Variants in PKD1L1 observed in about 807,000 individuals in gnomAD.
PKD1L1 encodes the protein polycystin-1-like protein 1.
A neutral mutation model predicts 323.4 loss-of-function variants in PKD1L1; 236 were observed. That is an observed-to-expected ratio of 0.73 (90% CI 0.66 to 0.81). PKD1L1 has a LOEUF of 0.81. Among genes scored for constraint, PKD1L1 ranks in the 40% least tolerant of loss-of-function variants. The pLI is 0.00. For synonymous variants in PKD1L1, 1,344 were observed against 1,335.0 expected, an observed-to-expected ratio of 1.01 and a Z score of -0.15; for missense variants, 3,320 against 3,508.0, an observed-to-expected ratio of 0.95 and a Z score of 1.35.
At position 47,815,376 on chromosome 7, in the gene PKD1L1, C is replaced by G; in HGVS notation, c.7047G>C (p.Leu2349=). 6.2e-7 allele frequency: 1 copy of G among 1,614,214 alleles called. No homozygotes were observed. Among genetic ancestry groups the G allele is most frequent in the Non-Finnish European group, 8.5e-7 (1 of 1,180,028 alleles). The change falls in exon 47 of 57, where the codon CTG becomes CTC. Residue 2349 remains leucine (L), a synonymous_variant. Transcript: ENST00000289672. ...GGGCTGACGGGGTGCCTCCCGGGTACAGGCCATCCAGAAGTGTGGTCAGAC... is the reference window on the plus strand; with the variant it reads ...GGGCTGACGGGGTGCCTCCCGGGTAGAGGCCATCCAGAAGTGTGGTCAGAC... The part of the protein sequence containing the change: ...DWSLTTLLDG[L]YPGGTPSARV...
chr7:47,960,475 C>A, the PKD1L1 span, among the ~76,000 whole-genome samples: 1 of 139,206 alleles, frequency 7.2e-6, no homozygotes, highest in African/African-American at 2.6e-5. Flanking sequence ...ACCCCCTTAA[C>A]ACCTTTTGGA....
chr7:47,812,123 T>C (rs1267586858), intron 49 of PKD1L1, 72 bp from the exon 50 acceptor site: 3 of 1,269,802 alleles, frequency 2.4e-6, no homozygotes, highest in East Asian at 2.5e-5. Context: ...GGCTCCCAGC[T>C]GCAGGTCCCA....
rs141794668 is a variant in PKD1L1 at position 47,868,594 on chromosome 7, G to A, written c.3897-1980C>T. ...CAGTTTCTTTGAAAGACAGAAAACTGGCCAGGCGTGGTGGCTCATGCCTGT... is the reference window on the plus strand; with the variant it reads ...CAGTTTCTTTGAAAGACAGAAAACTAGCCAGGCGTGGTGGCTCATGCCTGT... On this transcript the variant is annotated intron_variant, in intron 24 of 56. Coordinates refer to ENST00000289672, the MANE Select transcript of PKD1L1 (RefSeq NM_138295.5). 3.4e-3 allele frequency among the ~76,000 whole-genome samples: 511 copies of A among 152,158 alleles called. 6 individuals carry two copies. Among genetic ancestry groups the A allele is most frequent in the African/African-American group, 0.011 (475 of 41,504 alleles).
chr7:47,905,773 G>T, intron 10 of PKD1L1, 70 bp downstream of exon 10: 1 of 1,584,410 alleles, frequency 6.3e-7, no homozygotes, highest in Non-Finnish European at 8.5e-7. Context: ...TGCTGCCTAC[G>T]GCTTTCCTAA....
Position 47,904,516 on chromosome 7 carries a change from G to A in PKD1L1, c.1793C>T (p.Ser598Phe), listed in dbSNP as rs767521719. ...GGCATTTACCAGAGCTGAGGAGGGG[G>A]ACGTGAGCCGATTGGCCACAATTTT... ...QKKIVANRLTSPSSALVNASV... is the reference protein window; with the variant it reads ...QKKIVANRLTFPSSALVNASV... Residue 598 changes from serine to phenylalanine, a missense_variant, in exon 12 of 57, where the codon TCC (serine) becomes TTC (phenylalanine). By Grantham distance (155) the Ser-to-Phe change is radical. Coordinates refer to ENST00000289672, the MANE Select transcript of PKD1L1 (RefSeq NM_138295.5). The A allele has an allele frequency of 1.6e-5, 26 of 1,614,026 alleles. No homozygotes were observed. In the East Asian group the frequency reaches 4.7e-4, roughly 29 times the overall value.
At chr7:47,856,615 C>T (rs144384436) in intron 28 of PKD1L1, among the ~76,000 whole-genome samples, 89 of 152,294 alleles carry the variant, frequency 5.8e-4, no homozygotes, top group African/African-American at 2.0e-3. Flanking sequence ...CAAAATGTCA[C>T]ACTGCCGAGC....
chr7:47,917,495 C>G (rs1471435204), intron 7 of PKD1L1, among the ~76,000 whole-genome samples: 2 of 152,124 alleles, frequency 1.3e-5, no homozygotes, highest in African/African-American at 4.8e-5. Context: ...CTGGGAAATT[C>G]ATCACAAAAA....
upstream of PKD1L1, among the ~76,000 whole-genome samples, chr7:47,950,695 C>T (rs896402815): frequency 2.0e-5 from 3 of 149,166 alleles, no homozygotes; most frequent in Non-Finnish European, 4.4e-5. Flanking sequence ...GGGCAATGAG[C>T]GAAACTCTTG....
rs201121351 is a variant in PKD1L1 at position 47,813,554 on chromosome 7, C to T, written c.7174-261G>A. 941 of 678,158 alleles carry T rather than the reference C, an allele frequency of 1.4e-3. 10 individuals carry two copies. Among genetic ancestry groups the T allele is most frequent in the South Asian group, 7.1e-3 (472 of 66,536 alleles). The allele number at this position is 678,158 out of a possible 1,614,324, so 42.0% of individuals were successfully genotyped here. On this transcript the variant is annotated intron_variant, in intron 48 of 56. Transcript: ENST00000289672. ...GGCTTAGACCACTTGAAGACTTCCC[C>T]ATCATGAGATGCCAGGTAAAATGCC... is the stretch of plus-strand genomic sequence containing the variant.
intron 2 of PKD1L1, among the ~76,000 whole-genome samples, chr7:47,941,790 C>A (rs929953752): frequency 2.0e-5 from 3 of 151,946 alleles, no homozygotes; most frequent in African/African-American, 7.3e-5. Flanking sequence ...AGTCACTGTG[C>A]TCAAATTATC....
chr7:47,848,989 T>C (rs913008669), intron 31 of PKD1L1, among the ~76,000 whole-genome samples: 6 of 152,130 alleles, frequency 3.9e-5, no homozygotes, highest in African/African-American at 7.2e-5. Flanking sequence ...GCTACTGGCA[T>C]AGAAATAGGC....
At chr7:47,916,833 T>A (rs1304048466) in intron 7 of PKD1L1, among the ~76,000 whole-genome samples, 1 of 152,152 alleles carries the variant, frequency 6.6e-6, no homozygotes, top group Non-Finnish European at 1.5e-5. Context: ...ACAACAGCCT[T>A]CAGCCCTAGA....
At chr7:47,878,209 A>G (rs1326399552) in intron 21 of PKD1L1, among the ~76,000 whole-genome samples, 1 of 152,200 alleles carries the variant, frequency 6.6e-6, no homozygotes, top group Non-Finnish European at 1.5e-5. Context: ...GTTGACATAG[A>G]GCATCCAAAA....
At chr7:47,853,290 A>T in intron 30 of PKD1L1, 63 bp from the exon 31 acceptor site, 1 of 1,185,866 alleles carries the variant, frequency 8.4e-7, no homozygotes, top group Non-Finnish European at 1.3e-6. Flanking sequence ...GGTTTTAGTC[A>T]AATTTCTATC....
At chr7:47,862,335 C>T (rs1174236207) in intron 26 of PKD1L1, among the ~76,000 whole-genome samples, 1 of 152,174 alleles carries the variant, frequency 6.6e-6, no homozygotes, top group East Asian at 1.9e-4. Context: ...GCCCTCCCAC[C>T]TAGACTGGAG....
chr7:47,821,076 C>G lies in PKD1L1; in HGVS notation c.6965G>C (p.Arg2322Thr). The change falls in exon 46 of 57, where the codon AGA (arginine) becomes ACA (threonine). Residue 2322 changes from arginine (R) to threonine (T), a missense_variant and splice_region_variant. Arg to Thr is a moderately conservative substitution (Grantham distance 71, BLOSUM62 -1). Transcript: ENST00000289672. Reference protein sequence around the residue: ...LNQAIRKEFTRNARNCLGGLR... With the variant: ...LNQAIRKEFTTNARNCLGGLR... Reference sequence around the variant, plus strand: ...TGGAAGAGTTACCCAAACCTCCTACCTTGTAAATTCTTTCCGGATAGCTTG... The same window carrying G: ...TGGAAGAGTTACCCAAACCTCCTACGTTGTAAATTCTTTCCGGATAGCTTG... 8 of 1,567,558 alleles carry G rather than the reference C, an allele frequency of 5.1e-6. No homozygotes were observed. Among genetic ancestry groups the G allele is most frequent in the Non-Finnish European group, 7.0e-6 (8 of 1,137,798 alleles).
intron 17 of PKD1L1, 116 bp downstream of exon 17, chr7:47,887,874 C>G: frequency 9.6e-7 from 1 of 1,037,448 alleles, no homozygotes; most frequent in Non-Finnish European, 1.4e-6. Flanking sequence ...GACCGTTCAC[C>G]AGGCAGATCA....
Position 47,786,822 on chromosome 7 carries a change from C to T in PKD1L1, c.8526+5805G>A, listed in dbSNP as rs534731944. 3.7e-4 allele frequency among the ~76,000 whole-genome samples: 56 copies of T among 152,282 alleles called. No individual in the cohort carries two copies. The South Asian group carries it at 8.3e-3, about 23-fold the overall frequency. ...CTTCTGCCCAATCAGCAGCAGCCCC[C>T]GGCTGGGAGGTCTCTTCGGGGTCCA... On this transcript the variant is annotated intron_variant, in intron 56 of 56. Coordinates refer to ENST00000289672, the MANE Select transcript of PKD1L1 (RefSeq NM_138295.5).
intron 8 of PKD1L1, among the ~76,000 whole-genome samples, chr7:47,912,605 C>A (rs1031814867): frequency 2.0e-5 from 3 of 151,846 alleles, no homozygotes; most frequent in African/African-American, 7.3e-5. Context: ...CGCTTGAGGT[C>A]AGGAGTTTGA....
Sources: gnomAD v4.1 joint callset for allele counts (sites outside exome capture counted in the v4.1 genomes callset) on GRCh38, gnomAD v4.1.1 for gene constraint, MANE v1.5 for transcripts, NCBI Gene and HGNC (gene_info 2026-07-23, HGNC 2026-07-21) for gene names.